The following CHD7 variants were observed in gnomAD, a reference collection of about 807,000 sequenced individuals.
CHD7 encodes the protein ATP-dependent chromatin remodeler CHD7.
Under a neutral mutation model 307.3 loss-of-function variants are expected in CHD7, and 24 were observed. That is an observed-to-expected ratio of 0.08 (90% CI 0.06 to 0.11). The LOEUF (loss-of-function observed/expected upper bound fraction) is 0.11. Among genes scored for constraint, CHD7 ranks in the 10% least tolerant of loss-of-function variants. CHD7 has a pLI of 1.00. For missense variants in CHD7, 3,106 were observed against 3,727.1 expected, an observed-to-expected ratio of 0.83 and a Z score of 4.34; for synonymous variants, 1,363 against 1,349.9, an observed-to-expected ratio of 1.01 and a Z score of -0.21.
intron 2 of CHD7, among the ~76,000 whole-genome samples, chr8:60,764,191 A>G (rs991242422): frequency 6.6e-6 from 1 of 152,024 alleles, no homozygotes; most frequent in African/African-American, 2.4e-5. Flanking sequence ...GGGTTTCACC[A>G]TGTTAGCCAG....
chr8:60,742,650 A>G lies in CHD7; in HGVS notation c.1218A>G (p.Ala406=), dbSNP rs1809105115. Reference sequence around the variant, plus strand: ...CCATGAAAGCAATGAGTAATCCAGCAGGCACTCCTCCTCCACAAGTCAGGC... The same window carrying G: ...CCATGAAAGCAATGAGTAATCCAGCGGGCACTCCTCCTCCACAAGTCAGGC... ...MSPMKAMSNP[A]GTPPPQVRPG... The change falls in exon 2 of 38, where the codon GCA becomes GCG. Residue 406 remains alanine, a synonymous_variant. Transcript: ENST00000423902. 2 of 1,610,816 alleles carry G rather than the reference A, an allele frequency of 1.2e-6. No individual in the cohort carries two copies. Among genetic ancestry groups the G allele is most frequent in the African/African-American group, 1.3e-5 (1 of 74,866 alleles).
intron 2 of CHD7, among the ~76,000 whole-genome samples, chr8:60,749,023 T>TTTTCCCTG: frequency 6.6e-6 from 1 of 151,592 alleles, no homozygotes; most frequent in South Asian, 2.1e-4. Flanking sequence ...CTTTTATTGG[T>TTTTCCCTG]AAATCTCAAG....
intron 1 of CHD7, chr8:60,679,602 C>CGGGCGCG (rs1201867206): frequency 1.4e-5 from 2 of 148,050 alleles, no homozygotes; most frequent in Non-Finnish European, 3.0e-5. Context: ...GATGGGCGCG[C>CGGGCGCG]GGGCGCGGGG....
chr8:60,862,039 T>C (rs2129718153), intron 35 of CHD7, 157 bp from the exon 36 acceptor site: 1 of 613,464 alleles, frequency 1.6e-6, no homozygotes, highest in Non-Finnish European at 2.5e-6. Context: ...AGTTTTTTCT[T>C]TCAAAGAGAA....
rs1339746244 is a variant in CHD7, at chr8:60,743,204, A to T, written c.1665+107A>T. 7 of 929,648 alleles carry T rather than the reference A, an allele frequency of 7.5e-6. No homozygotes were observed. In the Admixed American group the frequency reaches 1.4e-4, roughly 19 times the overall value. 57.6% of individuals were successfully genotyped at this position (929,648 alleles called of 1,614,324 possible). ...CTCTATGAAAAGCTTTTTCATTATG[A>T]GTGCCTTAATTTTTATTTGTTATTG... On this transcript the variant is annotated intron_variant, in intron 2 of 37. Transcript: ENST00000423902.
intron 34 of CHD7, among the ~76,000 whole-genome samples, 156 bp from the exon 35 acceptor site, chr8:60,860,748 T>G (rs1016636057): frequency 3.9e-5 from 6 of 152,246 alleles, no homozygotes; most frequent in Non-Finnish European, 8.8e-5. Flanking sequence ...TTTTCTGACT[T>G]TTAATAGCTG....
chr8:60,750,772 C>A (rs958429391), intron 2 of CHD7, among the ~76,000 whole-genome samples: 2 of 152,064 alleles, frequency 1.3e-5, no homozygotes, highest in African/African-American at 4.8e-5. Flanking sequence ...ACAGCACATG[C>A]TAGACTCTTT....
intron 2 of CHD7, among the ~76,000 whole-genome samples, chr8:60,776,472 A>C (rs886639663): frequency 6.6e-6 from 1 of 152,174 alleles, no homozygotes; most frequent in Non-Finnish European, 1.5e-5. Context: ...GCAGCCACCC[A>C]GTCTCAGGCA....
At chr8:60,719,353 T>C (rs565279076) in intron 1 of CHD7, among the ~76,000 whole-genome samples, 32 of 152,360 alleles carry the variant, frequency 2.1e-4, no homozygotes, top group African/African-American at 6.3e-4. Context: ...ACTTTTCATT[T>C]TGAAGTTCCA....
In CHD7 at chr8:60,800,415, A is replaced by G. The variant is rs757479555; in HGVS notation, c.2266A>G (p.Arg756Gly). Residue 756 changes from arginine to glycine, a missense_variant, in exon 5 of 38, where the codon AGA becomes GGA. This residue lies in a region of CHD7 where 998 missense variants were observed against 1,004.5 expected (regional missense o/e 0.99). Transcript: ENST00000423902. ...QKRRSSRQVK[R>G]KRYTEDLEFK... is the part of the protein sequence containing the mutation. ...GAGACGGTCCAGCAGACAGGTGAAG[A>G]GAAAGCGCTACACTGAAGACCTGGA... The G allele has an allele frequency of 6.2e-7, 1 of 1,613,776 alleles. No individual in the cohort carries two copies. Among genetic ancestry groups the G allele is most frequent in the South Asian group, 1.1e-5 (1 of 91,040 alleles).
Position 60,819,993 on chromosome 8 carries a change from T to C in CHD7, c.2614-14T>C, listed in dbSNP as rs749940500. 24 of 1,558,282 alleles carry C rather than the reference T, an allele frequency of 1.5e-5. No homozygotes were observed. The highest frequency in any genetic ancestry group is 8.9e-5 in the Admixed American group (5 of 56,000). ...TAAGTAAACCTTTAACTTTTTTTTTTCCCTTTGGTGTAGATTGAGGATGAG... is the reference window on the plus strand; with the variant it reads ...TAAGTAAACCTTTAACTTTTTTTTTCCCCTTTGGTGTAGATTGAGGATGAG... On this transcript the variant is annotated splice_polypyrimidine_tract_variant and intron_variant, in intron 8 of 37. Transcript: ENST00000423902.
chr8:60,860,555 C>T (rs1249768305), intron 34 of CHD7, among the ~76,000 whole-genome samples: 1 of 152,254 alleles, frequency 6.6e-6, no homozygotes, highest in Non-Finnish European at 1.5e-5. Context: ...CTGCCCCAGC[C>T]TCCCAGGTAG....
At chr8:60,740,924 C>T (rs1423868496) in intron 1 of CHD7, among the ~76,000 whole-genome samples, 1 of 152,188 alleles carries the variant, frequency 6.6e-6, no homozygotes, top group Admixed American at 6.5e-5. Context: ...ATCTGCTTGC[C>T]TGCTGTGGCA....
intron 8 of CHD7, among the ~76,000 whole-genome samples, chr8:60,818,060 T>TA (rs1803831276): frequency 6.6e-6 from 1 of 152,198 alleles, no homozygotes; most frequent in African/African-American, 2.4e-5. Flanking sequence ...CTAGAAATCT[T>TA]AGTTTCTGTC....
chr8:60,788,085 G>C (rs901237471), intron 3 of CHD7, among the ~76,000 whole-genome samples: 15 of 151,554 alleles, frequency 9.9e-5, no homozygotes, highest in African/African-American at 1.5e-4. Flanking sequence ...GTCTCGCAAA[G>C]TGCTGGGATT....
chr8:60,787,126 T>C (rs191625105), intron 3 of CHD7, among the ~76,000 whole-genome samples: 2 of 152,184 alleles, frequency 1.3e-5, no homozygotes, highest in South Asian at 2.1e-4. Context: ...AGGAATAATA[T>C]AATTTTGTGG....
intron 34 of CHD7, among the ~76,000 whole-genome samples, chr8:60,859,859 G>GA (rs1165443530): frequency 6.6e-6 from 1 of 152,056 alleles, no homozygotes; most frequent in African/African-American, 2.4e-5. Flanking sequence ...TGCAATTATT[G>GA]AAAAAAATAG....
At chr8:60,692,921 C>A (rs915390177) in intron 1 of CHD7, among the ~76,000 whole-genome samples, 1 of 152,212 alleles carries the variant, frequency 6.6e-6, no homozygotes, top group African/African-American at 2.4e-5. Flanking sequence ...TCTTATTTCT[C>A]GTATCTCCCC....
intron 31 of CHD7, 89 bp from the exon 32 acceptor site, chr8:60,854,274 T>G (rs919402952): frequency 2.6e-5 from 30 of 1,134,818 alleles, no homozygotes; most frequent in Non-Finnish European, 3.6e-5. Context: ...TGGAGCTGAT[T>G]AGTATTCACA....
Sources: gnomAD v4.1 joint callset for allele counts (sites outside exome capture counted in the v4.1 genomes callset) on GRCh38, gnomAD v4.1.1 for gene constraint, gnomAD v4.1.1 regional missense constraint, MANE v1.5 for transcripts, NCBI Gene and HGNC (gene_info 2026-07-23, HGNC 2026-07-21) for gene names.